CRCP: variants seen among roughly 807,000 people sequenced by gnomAD.
CRCP encodes the protein CGRP receptor component, also known as DNA-directed RNA polymerase III subunit RPC9.
A neutral mutation model predicts 18.5 loss-of-function variants in CRCP; 18 were observed. That is an observed-to-expected ratio of 0.97 (90% confidence interval 0.67 to 1.44). The LOEUF is 1.44. Ranked by LOEUF, CRCP falls within the 40% of genes most tolerant of loss-of-function variation. The pLI is 0.00. For missense variants in CRCP, 130 were observed against 176.4 expected, an observed-to-expected ratio of 0.74 and a Z score of 1.49; for synonymous variants, 53 against 62.9, an observed-to-expected ratio of 0.84 and a Z score of 0.75.
intron 4 of CRCP, among the ~76,000 whole-genome samples, chr7:66,135,595 T>C (rs1787948290): frequency 6.6e-6 from 1 of 152,230 alleles, no homozygotes; most frequent in South Asian, 2.1e-4. Flanking sequence ...TATGTATACA[T>C]GTGCCATGAG....
At chr7:66,117,168 G>T (rs1787294745) in intron 1 of CRCP, among the ~76,000 whole-genome samples, 2 of 151,160 alleles carry the variant, frequency 1.3e-5, no homozygotes, top group South Asian at 4.2e-4. Flanking sequence ...AAATTCAGAG[G>T]TTGATTTTCT....
intron 5 of CRCP, among the ~76,000 whole-genome samples, chr7:66,149,494 G>A (rs544506083): frequency 6.6e-6 from 1 of 152,124 alleles, no homozygotes; most frequent in Non-Finnish European, 1.5e-5. Flanking sequence ...AATAAAGCAG[G>A]GAAAGGAGGG....
chr7:66,130,097 CTTTTTT>C (rs35682014), intron 2 of CRCP: 56 of 100,482 alleles, frequency 5.6e-4, no homozygotes, highest in Admixed American at 9.0e-4. Flanking sequence ...AAGCAGGATT[CTTTTTT>C]TTTTTTTTTT....
At position 66,124,132 on chromosome 7, in the gene CRCP, C is replaced by T. The variant is rs572786331; in HGVS notation, c.9-3572C>T. ...ATCCCAGCACTTTGGGAGGCCGAGG[C>T]GGGCGGATCACGAGGTCAGGAGATC... On this transcript the variant is annotated intron_variant, in intron 1 of 5. Transcript: ENST00000395326. Among the ~76,000 whole-genome samples the T allele has an allele frequency of 7.3e-5, 10 of 137,416 alleles. No individual in the cohort carries two copies. In the South Asian group the frequency reaches 2.0e-3, roughly 27 times the overall value. 90.2% of individuals were successfully genotyped at this position (137,416 alleles called of 152,430 possible).
chr7:66,139,258 G>A (rs1407714106), intron 4 of CRCP, among the ~76,000 whole-genome samples: 1 of 152,048 alleles, frequency 6.6e-6, no homozygotes, highest in African/African-American at 2.4e-5. Context: ...AGATTGTTCT[G>A]GCATCTTCCG....
At chr7:66,143,901 T>C (rs568472155) in intron 4 of CRCP, among the ~76,000 whole-genome samples, 10 of 152,296 alleles carry the variant, frequency 6.6e-5, no homozygotes, top group African/African-American at 2.4e-4. Context: ...CATAAGATAG[T>C]TAAGTACTGT....
chr7:66,147,427 A>G (rs1788331664), intron 5 of CRCP, among the ~76,000 whole-genome samples: 1 of 151,722 alleles, frequency 6.6e-6, no homozygotes, highest in Admixed American at 6.6e-5. Context: ...GTCACTTCGA[A>G]TGCCCGCCCC....
In CRCP at chr7:66,126,202, C is replaced by A. The variant is rs1437912927; in HGVS notation, c.9-1502C>A. On this transcript the variant is annotated intron_variant, in intron 1 of 5. Transcript: ENST00000395326. The stretch of plus-strand genomic sequence containing the variant: ...AGTGCTGACATCACTGTGCTGATGA[C>A]CTAAGGCCGAGGTCTATCTCTTTGT... Among the ~76,000 whole-genome samples the A allele has an allele frequency of 2.0e-5, 3 of 149,080 alleles. 1 individual carries two copies. Among genetic ancestry groups the A allele is most frequent in the Non-Finnish European group, 4.5e-5 (3 of 66,684 alleles).
rs1788522119 is a variant in CRCP, at chr7:66,153,107, T to A, written c.*750T>A. 6.5e-6 allele frequency: 1 copy of A among 152,978 alleles called. No homozygotes were observed. The highest frequency in any genetic ancestry group is 2.4e-5 in the African/African-American group (1 of 41,456). 9.5% of individuals were successfully genotyped at this position (152,978 alleles called of 1,614,324 possible). ...GCTTCATATTCAGACCAGGTAAGCCTCATTTGCACAACAGTCAAATTGTTT... is the reference window on the plus strand; with the variant it reads ...GCTTCATATTCAGACCAGGTAAGCCACATTTGCACAACAGTCAAATTGTTT... On this transcript the variant is annotated 3_prime_UTR_variant, in exon 6 of 6. Transcript: ENST00000395326.
chr7:66,147,368 G>T (rs1788329700), intron 5 of CRCP, among the ~76,000 whole-genome samples: 1 of 151,436 alleles, frequency 6.6e-6, no homozygotes, highest in Non-Finnish European at 1.5e-5. Flanking sequence ...AGTGCATGGG[G>T]TGTGCCAGAC....
rs368022535 is a variant in CRCP at position 66,134,403 on chromosome 7, G to A, written c.239+29G>A. On this transcript the variant is annotated intron_variant, in intron 4 of 5. Coordinates refer to ENST00000395326, the MANE Select transcript of CRCP (RefSeq NM_014478.5). Reference sequence around the variant, plus strand: ...AGTAAATCTCTTAAGTAGGAAGAGCGTGACACATGGTGAAATGATAGTTGC... The same window carrying A: ...AGTAAATCTCTTAAGTAGGAAGAGCATGACACATGGTGAAATGATAGTTGC... 6.3e-4 allele frequency: 880 copies of A among 1,393,650 alleles called. 2 individuals carry two copies. Among genetic ancestry groups the A allele is most frequent in the Non-Finnish European group, 8.1e-4 (808 of 994,778 alleles). 86.3% of individuals were successfully genotyped at this position (1,393,650 alleles called of 1,614,324 possible). A position where few individuals can be genotyped will look rare whatever the true frequency, so the allele number is the denominator to read the frequency against.
Position 66,151,576 on chromosome 7 carries a change from A to C in CRCP, c.298-632A>C, listed in dbSNP as rs148236050. ...GAGCAAGACTCTGTCCTGCCCCCCC[A>C]AAAAAAAAATTACAGATGTGCTTGT... On this transcript the variant is annotated intron_variant, in intron 5 of 5. Transcript: ENST00000395326. Among the ~76,000 whole-genome samples the C allele has an allele frequency of 5.5e-3, 818 of 148,778 alleles. 5 individuals are homozygous for C. The highest frequency in any genetic ancestry group is 0.012 in the Admixed American group (182 of 14,880).
chr7:66,152,694 T>C lies in CRCP; in HGVS notation c.*337T>C. On this transcript the variant is annotated 3_prime_UTR_variant, in exon 6 of 6. Coordinates refer to ENST00000395326, the MANE Select transcript of CRCP (RefSeq NM_014478.5). ...GGGAAAATGCTTGTGTCGCCTTTGG[T>C]GGGCCATGTCCTAATTAGTTTCATC... The C allele has an allele frequency of 3.9e-6, 1 of 257,786 alleles. No individual in the cohort carries two copies. Among genetic ancestry groups the C allele is most frequent in the Non-Finnish European group, 7.6e-6 (1 of 131,020 alleles). The allele number at this position is 257,786 out of a possible 1,614,324, so 16.0% of individuals were successfully genotyped here.
At position 66,154,306 on chromosome 7, in the gene CRCP, G is replaced by T. The variant is rs1788552412; in HGVS notation, c.*1949G>T. On this transcript the variant is annotated 3_prime_UTR_variant, in exon 6 of 6. Transcript: ENST00000395326. ...TTCTGGTGCCTTAGCCTCCTGAGTA[G>T]CTGGGACTTACAGGCACGTACCACT... The T allele has an allele frequency of 6.6e-6, 1 of 151,292 alleles. No homozygotes were observed. Among genetic ancestry groups the T allele is most frequent in the African/African-American group, 2.4e-5 (1 of 41,190 alleles). The allele number at this position is 151,292 out of a possible 1,614,324, so 9.4% of individuals were successfully genotyped here.
At chr7:66,135,857 G>A (rs1206132470) in intron 4 of CRCP, among the ~76,000 whole-genome samples, 3 of 152,038 alleles carry the variant, frequency 2.0e-5, no homozygotes, top group African/African-American at 7.2e-5. Context: ...GGAGACGGAG[G>A]TTGCGGTGAG....
intron 4 of CRCP, among the ~76,000 whole-genome samples, chr7:66,135,798 G>A (rs1307379048): frequency 6.6e-6 from 1 of 152,120 alleles, no homozygotes; most frequent in Non-Finnish European, 1.5e-5. Context: ...GCACATGCCT[G>A]TAATCCCAAC....
chr7:66,127,197 T>C (rs1447180245), intron 1 of CRCP, among the ~76,000 whole-genome samples: 3 of 152,242 alleles, frequency 2.0e-5, no homozygotes, highest in Non-Finnish European at 4.4e-5. Context: ...CACATCGTTG[T>C]GTTTCTTCAC....
At chr7:66,147,001 G>A (rs1037451632) in intron 5 of CRCP, among the ~76,000 whole-genome samples, 4 of 152,216 alleles carry the variant, frequency 2.6e-5, no homozygotes, top group African/African-American at 4.8e-5. Flanking sequence ...GCCAGAGCCT[G>A]TGGAAAGTGG....
chr7:66,146,389 CA>C (rs1369175594), intron 5 of CRCP, among the ~76,000 whole-genome samples: 1 of 151,594 alleles, frequency 6.6e-6, no homozygotes, highest in East Asian at 1.9e-4. Flanking sequence ...CTTCTTATTA[CA>C]GGGCAGAGAG....
Sources: allele counts gnomAD v4.1 joint callset (sites outside exome capture counted in the v4.1 genomes callset), GRCh38; gene constraint gnomAD v4.1.1; transcripts MANE v1.5; gene names NCBI Gene and HGNC (gene_info 2026-07-23, HGNC 2026-07-21).